The following TICRR variants were observed in gnomAD, a reference collection of about 807,000 sequenced individuals.
TICRR encodes the protein TOPBP1 interacting checkpoint and replication regulator.
A neutral mutation model predicts 178.1 loss-of-function variants in TICRR; 132 were observed. The ratio of observed to expected loss-of-function variants is 0.74; its 90% CI spans 0.64 to 0.86. The LOEUF is 0.86. TICRR is among the 40% of genes least tolerant of loss of function. TICRR has a pLI of 0.00. For missense variants in TICRR, 2,587 were observed against 2,334.3 expected (o/e 1.11, Z -2.23); for synonymous variants, 991 against 900.7 (o/e 1.10, Z -1.79).
chr15:89,595,439 C>T lies in TICRR; in HGVS notation c.1728C>T (p.Cys576=), dbSNP rs8042146. The change falls in exon 7 of 22, where the codon TGC becomes TGT. Residue 576 remains cysteine, a synonymous_variant. Coordinates refer to ENST00000268138, the MANE Select transcript of TICRR (RefSeq NM_152259.4). ...TPVRQKMNTM[C]RSLKMLNVAR... is the part of the protein sequence containing the mutation. ...TGAGACAGAAGATGAATACCATGTG[C>T]CGTTCCTTAAAGATGTTGAATGTCG... 1,429,046 of 1,613,752 alleles carry T rather than the reference C, an allele frequency of 0.89. 637,201 individuals are homozygous for T. Among genetic ancestry groups the T allele is most frequent in the Non-Finnish European group, 0.92 (1,083,141 of 1,179,898 alleles).
At position 89,627,388 on chromosome 15, in the gene TICRR, G is replaced by C. The variant is rs1374113102; in HGVS notation, c.*302G>C. ...CCAGCCTCACCCCAACCATGACCTTGGCAAGTCAGGGGGCCACTCTGCCTC... is the reference window on the plus strand; with the variant it reads ...CCAGCCTCACCCCAACCATGACCTTCGCAAGTCAGGGGGCCACTCTGCCTC... On this transcript the variant is annotated 3_prime_UTR_variant, in exon 22 of 22. Coordinates refer to ENST00000268138, the MANE Select transcript of TICRR (RefSeq NM_152259.4). 2.9e-6 allele frequency: 1 copy of C among 348,340 alleles called. No homozygotes were observed. Among genetic ancestry groups the C allele is most frequent in the Non-Finnish European group, 5.2e-6 (1 of 191,282 alleles). 21.6% of individuals were successfully genotyped at this position (348,340 alleles called of 1,614,324 possible).
intron 2 of TICRR, 23 bp downstream of exon 2, chr15:89,582,988 T>TG (rs368978587): frequency 1.7e-4 from 105 of 621,650 alleles, no homozygotes; most frequent in Non-Finnish European, 2.1e-4. Flanking sequence ...TATTTTAAGG[T>TG]TTTTTTTTTT....
chr15:89,598,975 C>T (rs8040110), intron 7 of TICRR, among the ~76,000 whole-genome samples: 1 of 151,956 alleles, frequency 6.6e-6, no homozygotes, highest in East Asian at 1.9e-4. Flanking sequence ...TGTGCCACTG[C>T]ACTCCAGCCT....
chr15:89,601,456 A>T lies in TICRR; in HGVS notation c.2248-33A>T, dbSNP rs764691370. ...TGCTTTCAGCTTCCCTGCAGAGGGC[A>T]TCTATATAGTAACGTTCTAAAATCT... On this transcript the variant is annotated intron_variant, in intron 10 of 21. Transcript: ENST00000268138. The T allele has an allele frequency of 1.4e-5, 22 of 1,612,602 alleles. No individual in the cohort carries two copies. In the East Asian group the frequency reaches 4.7e-4, roughly 34 times the overall value.
At chr15:89,600,742 G>A (rs937610366) in intron 9 of TICRR, 57 bp downstream of exon 9, 13 of 838,144 alleles carry the variant, frequency 1.6e-5, no homozygotes, top group East Asian at 7.9e-5. Context: ...AGATTAGCTC[G>A]TATCAGTTTA....
At chr15:89,608,760 A>C (rs1223194198) in intron 14 of TICRR, 43 bp from the exon 15 acceptor site, 2 of 1,526,564 alleles carry the variant, frequency 1.3e-6, no homozygotes, top group Admixed American at 4.5e-5. Context: ...ATTGATGATA[A>C]TCTTTGGGTT....
In TICRR at chr15:89,582,775, C is replaced by G. The variant is rs749299079; in HGVS notation, c.744C>G (p.Phe248Leu). ...GCACTGTCTTGCCATCTGAATCTTT[C>G]AGCTGGGATTTTGCTCAAGCTGGGG... ...GGGTVLPSESFSWDFAQAGEM... is the reference protein window; with the variant it reads ...GGGTVLPSESLSWDFAQAGEM... Residue 248 changes from phenylalanine to leucine, a missense_variant, in exon 2 of 22, where the codon TTC becomes TTG. Physicochemically the swap from Phe to Leu is conservative, Grantham distance 22. Transcript: ENST00000268138. The G allele has an allele frequency of 1.2e-6, 2 of 1,614,170 alleles. No individual in the cohort carries two copies. The highest frequency in any genetic ancestry group is 1.7e-6 in the Non-Finnish European group (2 of 1,180,026).
intron 7 of TICRR, among the ~76,000 whole-genome samples, chr15:89,598,349 C>T (rs1963035118): frequency 7.4e-6 from 1 of 135,802 alleles, no homozygotes; most frequent in South Asian, 2.4e-4. Flanking sequence ...TTTATTTCTT[C>T]CTACCTTTAA....
At chr15:89,579,719 G>A (rs1337632708) in intron 1 of TICRR, 1 of 152,038 alleles carries the variant, frequency 6.6e-6, no homozygotes, top group African/African-American at 2.4e-5. Context: ...AGTGGGATTG[G>A]TGGCTTTATA....
chr15:89,601,454 G>A lies in TICRR; in HGVS notation c.2248-35G>A, dbSNP rs1963094626. 5 of 1,613,058 alleles carry A rather than the reference G, an allele frequency of 3.1e-6. No homozygotes were observed. The East Asian group carries it at 8.9e-5, about 29-fold the overall frequency. On this transcript the variant is annotated intron_variant, in intron 10 of 21. Coordinates refer to ENST00000268138, the MANE Select transcript of TICRR (RefSeq NM_152259.4). ...GATGCTTTCAGCTTCCCTGCAGAGG[G>A]CATCTATATAGTAACGTTCTAAAAT...
intron 15 of TICRR, among the ~76,000 whole-genome samples, chr15:89,614,389 A>G (rs764140818): frequency 6.0e-5 from 9 of 149,178 alleles, no homozygotes; most frequent in Non-Finnish European, 1.2e-4. Flanking sequence ...ATCTTGGCTC[A>G]CTGTAGCCTC....
Position 89,594,482 on chromosome 15 carries a change from C to T in TICRR, c.1609C>T (p.Leu537Phe). Residue 537 changes from leucine to phenylalanine, a missense_variant, in exon 6 of 22, where the codon CTT becomes TTT. Coordinates refer to ENST00000268138, the MANE Select transcript of TICRR (RefSeq NM_152259.4). ...AACTGAAGGCGAATTAATACATTGC[C>T]TTGCCGAGCTCTACCAGAGAAAATC... The part of the protein sequence containing the change: ...SKTEGELIHC[L>F]AELYQRKSRE... 1 of 1,612,692 alleles carries T rather than the reference C, an allele frequency of 6.2e-7. No homozygotes were observed. The highest frequency in any genetic ancestry group is 8.5e-7 in the Non-Finnish European group (1 of 1,179,462).
chr15:89,621,982 C>CT (rs34123859), intron 19 of TICRR, among the ~76,000 whole-genome samples: 4,272 of 87,648 alleles, frequency 0.049, 459 homozygotes, highest in African/African-American at 0.17. Flanking sequence ...CAAACTGACT[C>CT]TTTTTTTTTT....
Position 89,608,833 on chromosome 15 carries a change from AC to A in TICRR, c.2755del (p.Gln919ArgfsTer11). 1 of 1,602,558 alleles carries A rather than the reference AC, an allele frequency of 6.2e-7. No individual in the cohort carries two copies. Among genetic ancestry groups the A allele is most frequent in the Non-Finnish European group, 8.5e-7 (1 of 1,176,216 alleles). On this transcript the variant is annotated frameshift_variant, in exon 15 of 22. Coordinates refer to ENST00000268138, the MANE Select transcript of TICRR (RefSeq NM_152259.4). LOFTEE classifies it high-confidence loss of function. ...ACCAAAGTTCGAAGAAATCTTTTCA[AC>A]CAGGAATTGCTTTCCCCTTCAAAGA... is the stretch of plus-strand genomic sequence containing the variant. Reference protein sequence around the residue: ...EVTKVRRNLFNQELLSPSKRS... With the variant: ...EVTKVRRNLFXQELLSPSKRS...
chr15:89,607,951 AG>A (rs1431317383), intron 14 of TICRR, among the ~76,000 whole-genome samples: 5 of 152,188 alleles, frequency 3.3e-5, no homozygotes, highest in Non-Finnish European at 7.4e-5. Context: ...CCAGCAGCTT[AG>A]TAAAGTAGTC....
chr15:89,609,164 G>A (rs1323693381), intron 15 of TICRR, among the ~76,000 whole-genome samples: 1 of 121,456 alleles, frequency 8.2e-6, no homozygotes, highest in African/African-American at 3.3e-5. Context: ...AGGTTGGAGT[G>A]CAGTGGCGCA....
At chr15:89,620,271 C>G (rs540296957) in intron 18 of TICRR, among the ~76,000 whole-genome samples, 9 of 152,098 alleles carry the variant, frequency 5.9e-5, no homozygotes, top group Non-Finnish European at 1.0e-4. Flanking sequence ...TGCAGTGGCA[C>G]GAACACAGCT....
chr15:89,614,898 T>C (rs886952732), intron 15 of TICRR, among the ~76,000 whole-genome samples: 3 of 152,198 alleles, frequency 2.0e-5, no homozygotes, highest in Non-Finnish European at 4.4e-5. Context: ...CCTTCAACAC[T>C]CAGCCAGGCA....
rs777138499 is a variant in TICRR, at chr15:89,594,411, A to C, written c.1542-4A>C. ...GTTTTATTCTAGACATCTTGACTTCACAGGTTACTACAGGCTGCCTCAGCT... is the reference window on the plus strand; with the variant it reads ...GTTTTATTCTAGACATCTTGACTTCCCAGGTTACTACAGGCTGCCTCAGCT... On this transcript the variant is annotated splice_polypyrimidine_tract_variant and splice_region_variant and intron_variant, in intron 5 of 21. Transcript: ENST00000268138. 1 of 1,599,088 alleles carries C rather than the reference A, an allele frequency of 6.3e-7. No homozygotes were observed. The highest frequency in any genetic ancestry group is 2.2e-5 in the East Asian group (1 of 44,622).
Sources: allele counts gnomAD v4.1 joint callset (sites outside exome capture counted in the v4.1 genomes callset), GRCh38; gene constraint gnomAD v4.1.1; transcripts MANE v1.5; gene names NCBI Gene and HGNC (gene_info 2026-07-23, HGNC 2026-07-21).